RANBP2: variants seen among roughly 807,000 people sequenced by gnomAD.
RANBP2 encodes RAN binding protein 2.
RANBP2 carries 57 observed loss-of-function variants against 303.6 expected under a neutral mutation model. That is an observed-to-expected ratio of 0.19 (90% CI 0.15 to 0.23). RANBP2 has a LOEUF of 0.23. RANBP2 is among the 10% of genes least tolerant of loss of function. The pLI is 1.00. For missense variants in RANBP2, 3,138 were observed against 3,780.8 expected, an observed-to-expected ratio of 0.83 and a Z score of 4.46; for synonymous variants, 1,167 against 1,301.5, an observed-to-expected ratio of 0.90 and a Z score of 2.23.
chr2:109,343,010 AT>A, the RANBP2 span, among the ~76,000 whole-genome samples: 1 of 152,146 alleles, frequency 6.6e-6, no homozygotes, highest in South Asian at 2.1e-4. Flanking sequence ...TTTGAATGGA[AT>A]TCCTCTGAAG....
chr2:109,429,681 G>A, the RANBP2 span, among the ~76,000 whole-genome samples: 16 of 152,130 alleles, frequency 1.1e-4, 1 homozygote, highest in Middle Eastern at 6.3e-3. Flanking sequence ...CAGCAGCCCA[G>A]CCCTGGCCCT....
chr2:108,989,240 A>C, the RANBP2 span: 1 of 152,670 alleles, frequency 6.6e-6, no homozygotes, highest in Non-Finnish European at 1.5e-5. Flanking sequence ...GTCCTTGCCG[A>C]GGGGCTTTCC....
chr2:109,488,572 A>C, the RANBP2 span, among the ~76,000 whole-genome samples: 3 of 152,082 alleles, frequency 2.0e-5, no homozygotes, highest in African/African-American at 7.2e-5. Context: ...CCCCACTCAG[A>C]TCCCAGGGTT....
the RANBP2 span, among the ~76,000 whole-genome samples, chr2:109,290,819 CT>C: frequency 6.6e-6 from 1 of 152,262 alleles, no homozygotes; most frequent in African/African-American, 2.4e-5. Context: ...CTTCTAACAA[CT>C]GCCTGAAACA....
At chr2:109,595,168 T>C in the RANBP2 span, among the ~76,000 whole-genome samples, 1 of 152,218 alleles carries the variant, frequency 6.6e-6, no homozygotes, top group Non-Finnish European at 1.5e-5. Context: ...ATTACAGGCC[T>C]GAGCCCCCAC....
chr2:109,730,058 C>T, the RANBP2 span, among the ~76,000 whole-genome samples: 4 of 152,254 alleles, frequency 2.6e-5, no homozygotes, highest in East Asian at 7.7e-4. Flanking sequence ...CTTTCTCCCT[C>T]AACACGTGGG....
At chr2:109,615,085 G>C in the RANBP2 span, 1 of 1,549,646 alleles carries the variant, frequency 6.5e-7, no homozygotes, top group Non-Finnish European at 8.7e-7. Context: ...ACCGCACAGA[G>C]GCCGGCCCGC....
the RANBP2 span, chr2:109,371,533 T>C: frequency 1.4e-5 from 21 of 1,520,756 alleles, 1 homozygote; most frequent in South Asian, 2.2e-4. Flanking sequence ...TGCTTCCTTT[T>C]TCATTGTGTG....
At chr2:109,356,561 C>T in the RANBP2 span, among the ~76,000 whole-genome samples, 1 of 152,362 alleles carries the variant, frequency 6.6e-6, no homozygotes, top group South Asian at 2.1e-4. Flanking sequence ...GCCCCCTCCT[C>T]CTCCTTGGGA....
chr2:109,140,524 GCGCC>G, the RANBP2 span, among the ~76,000 whole-genome samples: 1 of 152,164 alleles, frequency 6.6e-6, no homozygotes, highest in Middle Eastern at 3.4e-3. Flanking sequence ...GGGACTACAG[GCGCC>G]CACCACCATG....
the RANBP2 span, among the ~76,000 whole-genome samples, chr2:108,931,356 C>A: frequency 3.9e-5 from 6 of 152,228 alleles, no homozygotes; most frequent in African/African-American, 1.4e-4. Context: ...CTTACATGAG[C>A]TTTAAGTCTG....
chr2:109,465,899 T>A, the RANBP2 span, among the ~76,000 whole-genome samples: 9 of 151,978 alleles, frequency 5.9e-5, no homozygotes, highest in Admixed American at 5.9e-4. Context: ...GAAATCTGCT[T>A]CCACGACCAT....
the RANBP2 span, among the ~76,000 whole-genome samples, chr2:109,199,329 A>AATAAAATAAATAAAATAAATAAAATAAAT: frequency 7.4e-3 from 8 of 1,078 alleles, no homozygotes; most frequent in African/African-American, 0.025. Context: ...CTCAAAAAGT[A>AATAAAATAAATAAAATAAATAAAATAAAT]AAATGGAATG....
the RANBP2 span, among the ~76,000 whole-genome samples, chr2:109,338,569 ATTTTTT>A: frequency 6.6e-6 from 1 of 151,638 alleles, no homozygotes; most frequent in African/African-American, 2.4e-5. Flanking sequence ...TTTTATTTTT[ATTTTTT>A]GAGACAGAAC....
At chr2:109,145,274 C>T in the RANBP2 span, among the ~76,000 whole-genome samples, 1 of 152,186 alleles carries the variant, frequency 6.6e-6, no homozygotes, top group Non-Finnish European at 1.5e-5. Flanking sequence ...CGGTGATTGT[C>T]TTAAAATGCT....
At chr2:109,249,532 TTTCCTTCCTTCCTTCC>T in the RANBP2 span, among the ~76,000 whole-genome samples, 566 of 96,432 alleles carry the variant, frequency 5.9e-3, 5 homozygotes, top group Admixed American at 0.011. Context: ...TCTTTCTTTC[TTTCCTTCCTTCCTTCC>T]TTCCTTCCTT....
the RANBP2 span, among the ~76,000 whole-genome samples, chr2:109,491,950 T>C: frequency 6.6e-6 from 1 of 152,208 alleles, no homozygotes; most frequent in Admixed American, 6.5e-5. Context: ...AGACGGGGTC[T>C]ATCTAGATCA....
the RANBP2 span, among the ~76,000 whole-genome samples, chr2:108,931,569 G>C: frequency 6.6e-6 from 1 of 152,190 alleles, no homozygotes; most frequent in Non-Finnish European, 1.5e-5. Flanking sequence ...GAGATAGTGG[G>C]AGCCCAGAGA....
At chr2:109,123,087 G>A in the RANBP2 span, among the ~76,000 whole-genome samples, 5 of 152,172 alleles carry the variant, frequency 3.3e-5, no homozygotes, top group African/African-American at 7.2e-5. Context: ...CACACAGCTG[G>A]GAGATCATGG....
Sources: gnomAD v4.1 joint callset for allele counts (sites outside exome capture counted in the v4.1 genomes callset) on GRCh38, gnomAD v4.1.1 for gene constraint, MANE v1.5 for transcripts, NCBI Gene and HGNC (gene_info 2026-07-23, HGNC 2026-07-21) for gene names.